Variants in CIT observed in about 807,000 individuals in gnomAD.
CIT encodes citron rho-interacting serine/threonine kinase, also known as citron Rho-interacting kinase.
CIT carries 79 observed loss-of-function variants against 272.7 expected under a neutral mutation model. The ratio of observed to expected loss-of-function variants is 0.29; its 90% CI spans 0.24 to 0.35. CIT has a LOEUF of 0.35. CIT is among the 10% of genes least tolerant of loss of function. CIT has a pLI of 1.00. For missense variants in CIT, 1,909 were observed against 2,618.3 expected (o/e 0.73, Z 5.91); for synonymous variants, 948 against 995.6 (o/e 0.95, Z 0.90).
At chr12:119,698,517 G>A (rs1956360328) in intron 44 of CIT, among the ~76,000 whole-genome samples, 1 of 151,084 alleles carries the variant, frequency 6.6e-6, no homozygotes, top group South Asian at 2.1e-4. Flanking sequence ...TTGAACCCAA[G>A]AGGCAGAGGT....
At chr12:119,822,506 T>C (rs968976745) in intron 9 of CIT, among the ~76,000 whole-genome samples, 4 of 152,244 alleles carry the variant, frequency 2.6e-5, no homozygotes, top group Non-Finnish European at 4.4e-5. Context: ...ATCCACTTTT[T>C]TGGAAGAAAC....
chr12:119,690,216 CA>C lies in CIT; in HGVS notation c.6120del (p.Phe2040LeufsTer14). 1 of 1,519,828 alleles carries C rather than the reference CA, an allele frequency of 6.6e-7. No individual in the cohort carries two copies. The allele number at this position is 1,519,828 out of a possible 1,614,324, so 94.1% of individuals were successfully genotyped here. A position where few individuals can be genotyped will look rare whatever the true frequency, so the allele number is the denominator to read the frequency against. ...TRRERSPGRLFEDSSRGRLPA... is the reference protein window; with the variant it reads ...TRRERSPGRLXEDSSRGRLPA... ...GGCAGCCGGCCCCTGCTGCTGTCTT[CA>C]AACAGCCTCCCGGGGGACCGCTCTC... On this transcript the variant is annotated frameshift_variant, in exon 47 of 48. Transcript: ENST00000392521. LOFTEE classifies it high-confidence loss of function. This position sits in a 1 kb window ranked among gnomAD's most constrained non-coding sequence, Gnocchi z 6.0.
chr12:119,809,563 A>ATC (rs377054602), intron 9 of CIT, among the ~76,000 whole-genome samples: 1 of 151,718 alleles, frequency 6.6e-6, no homozygotes, highest in Non-Finnish European at 1.5e-5. Flanking sequence ...GAAAAACAGA[A>ATC]TCTCTCTCTC....
intron 2 of CIT, among the ~76,000 whole-genome samples, chr12:119,870,025 A>T (rs1462404150): frequency 1.3e-5 from 2 of 152,158 alleles, no homozygotes; most frequent in Admixed American, 1.3e-4. Flanking sequence ...ATGAGTCTGC[A>T]ACCCTGGTAT....
rs1956278477 is a variant in CIT, at chr12:119,697,290, G to C, written c.5882+369C>G. On this transcript the variant is annotated intron_variant, in intron 46 of 47. Transcript: ENST00000392521. The surrounding 1 kb of genome is among the most constrained non-coding windows in gnomAD (Gnocchi z 4.9). ...TCCCACTGGGCTGTGAGTGCCATCA[G>C]GGAGGGGCTACATCTGCTTTATTCA... Among the ~76,000 whole-genome samples, 1 of 152,102 alleles carries C rather than the reference G, an allele frequency of 6.6e-6. No individual in the cohort carries two copies. Among genetic ancestry groups the C allele is most frequent in the Admixed American group, 6.5e-5 (1 of 15,272 alleles).
chr12:119,857,702 C>T lies in CIT; in HGVS notation c.239-4G>A, dbSNP rs1950213456. The T allele has an allele frequency of 1.9e-6, 3 of 1,608,952 alleles. No homozygotes were observed. In the South Asian group the frequency reaches 3.3e-5, roughly 18 times the overall value. On this transcript the variant is annotated splice_region_variant and splice_polypyrimidine_tract_variant and intron_variant, in intron 3 of 47. Transcript: ENST00000392521. Reference sequence around the variant, plus strand: ...AACTCAGCTATGGTGTCGGAATCTGCAAAAGATGCAAGAGTTAGCCCCAGG... The same window carrying T: ...AACTCAGCTATGGTGTCGGAATCTGTAAAAGATGCAAGAGTTAGCCCCAGG...
At chr12:119,756,638 G>C (rs1961024112) in intron 22 of CIT, among the ~76,000 whole-genome samples, 1 of 152,200 alleles carries the variant, frequency 6.6e-6, no homozygotes, top group Non-Finnish European at 1.5e-5. Context: ...AGAGTAGCCT[G>C]TTCCATCTTT....
chr12:119,825,362 C>T lies in CIT; in HGVS notation c.760G>A (p.Ala254Thr). ...AKMNSNKMVN[A>T]KLPIGTPDYM... ...TCTGGGGTCCCAATCGGGAGTTTGG[C>T]ATTCACCTAGAATCCCATCAATAAA... Residue 254 changes from alanine to threonine, a missense_variant, in exon 8 of 48, where the codon GCC (alanine) becomes ACC (threonine). Around this residue, in one of 8 missense-constraint regions of CIT, gnomAD observed 529 missense variants for 549.6 expected, o/e 0.96. Coordinates refer to ENST00000392521, the MANE Select transcript of CIT (RefSeq NM_001206999.2). 1.2e-6 allele frequency: 2 copies of T among 1,613,896 alleles called. No individual in the cohort carries two copies. The highest frequency in any genetic ancestry group is 2.2e-5 in the South Asian group (2 of 91,054).
intron 23 of CIT, among the ~76,000 whole-genome samples, chr12:119,748,715 C>A (rs1205005379): frequency 2.0e-5 from 3 of 152,216 alleles, no homozygotes; most frequent in Admixed American, 2.0e-4. Flanking sequence ...GAGAAGGATT[C>A]CTTTCATTAG....
At chr12:119,748,174 G>C (rs1460254007) in intron 23 of CIT, among the ~76,000 whole-genome samples, 1 of 151,530 alleles carries the variant, frequency 6.6e-6, no homozygotes, top group African/African-American at 2.4e-5. Flanking sequence ...CAAAAAAAAG[G>C]AAAAAAAACC....
At chr12:119,840,232 G>A (rs1200235051) in intron 5 of CIT, among the ~76,000 whole-genome samples, 4 of 152,130 alleles carry the variant, frequency 2.6e-5, no homozygotes, top group African/African-American at 7.2e-5. Context: ...GTGGGAGGAC[G>A]GCTTGAGCCC....
At chr12:119,731,010 C>T (rs1175047075) in intron 26 of CIT, among the ~76,000 whole-genome samples, 1 of 151,864 alleles carries the variant, frequency 6.6e-6, no homozygotes, top group East Asian at 1.9e-4. Context: ...GCCCCTAAAC[C>T]CAGCTACTCG....
rs770299923 is a variant in CIT at position 119,752,138 on chromosome 12, C to T, written c.2816G>A (p.Arg939Gln). ...GCGAAGCTGGCTCTCCAGGGCCGCC[C>T]GTGCAGCCTGCAGGGCTGTCAACTG... ...ESQLTALQAA[R>Q]AALESQLRQA... The change falls in exon 23 of 48, where the codon CGG becomes CAG. Residue 939 changes from arginine (R) to glutamine (Q), a missense_variant. Physicochemically the swap from Arg to Gln is conservative, Grantham distance 43. This residue lies in a region of CIT where 530 missense variants were observed against 822.4 expected (regional missense o/e 0.64). Coordinates refer to ENST00000392521, the MANE Select transcript of CIT (RefSeq NM_001206999.2). The T allele has an allele frequency of 2.5e-6, 4 of 1,612,934 alleles. No homozygotes were observed. The highest frequency in any genetic ancestry group is 2.7e-5 in the African/African-American group (2 of 74,886).
intron 23 of CIT, among the ~76,000 whole-genome samples, chr12:119,747,435 A>G (rs2137372183): frequency 6.8e-6 from 1 of 146,888 alleles, no homozygotes; most frequent in East Asian, 2.0e-4. Context: ...AAAAAAAAAA[A>G]TTAGGCCTGG....
chr12:119,841,177 CT>C (rs746369072), intron 5 of CIT, among the ~76,000 whole-genome samples: 4,963 of 142,302 alleles, frequency 0.035, 90 homozygotes, highest in Non-Finnish European at 0.048. Flanking sequence ...TTTATTTAAC[CT>C]TTTTTTTTTT....
intron 44 of CIT, 190 bp from the exon 45 acceptor site, chr12:119,698,244 C>T: frequency 1.6e-6 from 1 of 625,626 alleles, no homozygotes; most frequent in Non-Finnish European, 2.9e-6. Context: ...TTTGTTACAG[C>T]AGAAGATGGA....
At chr12:119,797,139 G>A (rs1409685277) in intron 10 of CIT, among the ~76,000 whole-genome samples, 6 of 152,184 alleles carry the variant, frequency 3.9e-5, no homozygotes, top group Admixed American at 3.9e-4. Context: ...AACATGTAGC[G>A]CCATTTAGTC....
chr12:119,864,200 T>C (rs1593996945), intron 3 of CIT, among the ~76,000 whole-genome samples: 2 of 152,344 alleles, frequency 1.3e-5, no homozygotes, highest in East Asian at 3.9e-4. Flanking sequence ...AGATCTTATC[T>C]ATAGTGAATA....
chr12:119,780,315 T>C (rs1158380537), intron 13 of CIT, among the ~76,000 whole-genome samples: 1 of 152,148 alleles, frequency 6.6e-6, no homozygotes, highest in Non-Finnish European at 1.5e-5. Context: ...AAGTAAAATA[T>C]TTTTTAAAAA....
Sources: allele counts gnomAD v4.1 joint callset (sites outside exome capture counted in the v4.1 genomes callset), GRCh38; gene constraint gnomAD v4.1.1; regional missense constraint gnomAD v4.1.1; non-coding constraint Gnocchi (gnomAD v3.1); transcripts MANE v1.5; gene names NCBI Gene and HGNC (gene_info 2026-07-23, HGNC 2026-07-21).